CDH12: variants seen among roughly 807,000 people sequenced by gnomAD.
The protein encoded by CDH12 is cadherin-12.
Under a neutral mutation model 74.1 loss-of-function variants are expected in CDH12, and 41 were observed. The ratio of observed to expected loss-of-function variants is 0.55; its 90% confidence interval spans 0.43 to 0.72. CDH12 has a LOEUF of 0.72. Ranked by LOEUF, CDH12 falls within the 30% of genes least tolerant of loss-of-function variation. The probability of loss-of-function intolerance (pLI) is 0.00; values close to 1 mark genes in which losing one functional copy is unlikely to be tolerated. For missense variants in CDH12, 945 were observed against 977.2 expected, an observed-to-expected ratio of 0.97 and a Z score of 0.44; for synonymous variants, 399 against 355.0, an observed-to-expected ratio of 1.12 and a Z score of -1.39.
At chr5:22,221,075 A>G (rs556248448) in intron 3 of CDH12, among the ~76,000 whole-genome samples, 5 of 151,862 alleles carry the variant, frequency 3.3e-5, no homozygotes, top group African/African-American at 1.2e-4. Context: ...ATGCTTTTGA[A>G]TGATCTGTTT....
intron 5 of CDH12, among the ~76,000 whole-genome samples, chr5:22,027,603 G>T (rs1316007509): frequency 6.6e-6 from 1 of 152,280 alleles, no homozygotes; most frequent in East Asian, 1.9e-4. Context: ...TATTTGCGTA[G>T]AGGTGTTTGT....
At chr5:22,581,992 C>G (rs72746620) in intron 1 of CDH12, among the ~76,000 whole-genome samples, 1 of 152,118 alleles carries the variant, frequency 6.6e-6, no homozygotes, top group Admixed American at 6.5e-5. Context: ...TTGTAACTCA[C>G]GGCACATTTT....
chr5:22,413,670 G>T (rs1414938741), intron 2 of CDH12, among the ~76,000 whole-genome samples: 1 of 152,002 alleles, frequency 6.6e-6, no homozygotes, highest in Non-Finnish European at 1.5e-5. Context: ...AGGCAAAATT[G>T]TGTTTTAAAA....
intron 2 of CDH12, among the ~76,000 whole-genome samples, chr5:22,413,744 A>G (rs189072672): frequency 1.3e-5 from 2 of 152,106 alleles, no homozygotes; most frequent in Non-Finnish European, 2.9e-5. Context: ...GTTTATTCAC[A>G]TTACTTTATC....
intron 3 of CDH12, among the ~76,000 whole-genome samples, chr5:22,269,191 TAATC>T (rs1189690193): frequency 1.3e-5 from 2 of 152,190 alleles, no homozygotes; most frequent in African/African-American, 4.8e-5. Context: ...TATTTTGTTT[TAATC>T]AATATTATTA....
At chr5:22,583,714 T>G (rs2126787108) in intron 1 of CDH12, among the ~76,000 whole-genome samples, 1 of 152,256 alleles carries the variant, frequency 6.6e-6, no homozygotes, top group East Asian at 1.9e-4. Context: ...TGGGGGATAT[T>G]GAATCTGGAA....
At chr5:22,848,983 A>G (rs1350843709) in intron 1 of CDH12, among the ~76,000 whole-genome samples, 1 of 145,124 alleles carries the variant, frequency 6.9e-6, no homozygotes, top group East Asian at 2.3e-4. Flanking sequence ...CATTTCATCA[A>G]AAAATGTTTT....
intron 1 of CDH12, among the ~76,000 whole-genome samples, chr5:22,513,949 A>AG (rs1736708333): frequency 7.5e-6 from 1 of 134,150 alleles, no homozygotes; most frequent in East Asian, 2.9e-4. Flanking sequence ...ACTCCGTGTC[A>AG]GGAAAAAAAA....
intron 2 of CDH12, among the ~76,000 whole-genome samples, chr5:22,423,895 T>C (rs1386726195): frequency 6.8e-6 from 1 of 146,518 alleles, no homozygotes; most frequent in Non-Finnish European, 1.5e-5. Context: ...CCCGGCTACT[T>C]GGGTGGCTGA....
intron 6 of CDH12, among the ~76,000 whole-genome samples, chr5:21,881,883 A>C (rs1377165743): frequency 6.6e-6 from 1 of 152,174 alleles, no homozygotes; most frequent in Non-Finnish European, 1.5e-5. Flanking sequence ...TCATTTAAAA[A>C]TCTAGCACCA....
intron 3 of CDH12, among the ~76,000 whole-genome samples, chr5:22,329,264 A>T (rs536512164): frequency 1.3e-5 from 2 of 152,328 alleles, no homozygotes; most frequent in East Asian, 3.9e-4. Context: ...CTTAAATAGG[A>T]TTCACAGAGA....
intron 1 of CDH12, among the ~76,000 whole-genome samples, chr5:22,523,294 G>A (rs1737130441): frequency 6.6e-6 from 1 of 151,886 alleles, no homozygotes; most frequent in East Asian, 1.9e-4. Context: ...CAAATGTTAT[G>A]CAAATTCTAT....
At chr5:22,261,354 A>T (rs1202085780) in intron 3 of CDH12, among the ~76,000 whole-genome samples, 1 of 151,876 alleles carries the variant, frequency 6.6e-6, no homozygotes, top group African/African-American at 2.4e-5. Context: ...CTCTATTTTC[A>T]GCTTTCCCCA....
Position 22,721,257 on chromosome 5 carries a change from C to A in CDH12, c.-523+131801G>T, listed in dbSNP as rs73068131. 4.1e-3 allele frequency among the ~76,000 whole-genome samples: 620 copies of A among 152,326 alleles called. 6 individuals carry two copies. Among genetic ancestry groups the A allele is most frequent in the African/African-American group, 0.014 (601 of 41,576 alleles). On this transcript the variant is annotated intron_variant, in intron 1 of 14. Transcript: ENST00000382254. ...TAAAAGGGGCCAAGGTGGAGTGGAT[C>A]AAGGCCATGGGAGCCTACCTCTTGC...
intron 3 of CDH12, among the ~76,000 whole-genome samples, chr5:22,298,709 A>T (rs1737737240): frequency 2.6e-5 from 4 of 152,212 alleles, no homozygotes; most frequent in Admixed American, 2.0e-4. Context: ...AATACCTCCT[A>T]GCTGCCAAGA....
intron 6 of CDH12, among the ~76,000 whole-genome samples, chr5:21,949,670 T>G (rs1252577367): frequency 1.3e-5 from 2 of 152,072 alleles, no homozygotes; most frequent in African/African-American, 2.4e-5. Flanking sequence ...CATTTGTGTC[T>G]TTGTTTTTAA....
At chr5:22,096,797 GC>G (rs1743808498) in intron 4 of CDH12, among the ~76,000 whole-genome samples, 2 of 151,984 alleles carry the variant, frequency 1.3e-5, no homozygotes, top group Admixed American at 6.6e-5. Flanking sequence ...ATGCTTTACA[GC>G]CCTAGACCCT....
intron 1 of CDH12, among the ~76,000 whole-genome samples, chr5:22,568,975 G>T (rs1044516941): frequency 6.6e-6 from 1 of 152,308 alleles, no homozygotes; most frequent in Non-Finnish European, 1.5e-5. Flanking sequence ...AAGCGATGTG[G>T]TTGCTAAAGG....
chr5:22,290,417 C>T (rs555192228), intron 3 of CDH12, among the ~76,000 whole-genome samples: 56 of 151,768 alleles, frequency 3.7e-4, no homozygotes, highest in Non-Finnish European at 7.2e-4. Flanking sequence ...GATAAATGAC[C>T]AAAACGAGAT....
Sources: allele counts gnomAD v4.1 joint callset (sites outside exome capture counted in the v4.1 genomes callset), GRCh38; gene constraint gnomAD v4.1.1; transcripts MANE v1.5; gene names NCBI Gene and HGNC (gene_info 2026-07-23, HGNC 2026-07-21).